The following YBX3 variants were observed in gnomAD, a reference collection of about 807,000 sequenced individuals.
YBX3 encodes the protein Y-box binding protein 3, also known as Y-box-binding protein 3.
YBX3 carries 29 observed loss-of-function variants against 42.4 expected under a neutral mutation model. The ratio of observed to expected loss-of-function variants is 0.68; its 90% confidence interval spans 0.51 to 0.93. The LOEUF is 0.93. Among genes scored for constraint, YBX3 ranks in the 40% least tolerant of loss-of-function variants. YBX3 has a pLI of 0.00. For synonymous variants in YBX3, 195 were observed against 189.8 expected (o/e 1.03, Z -0.22); for missense variants, 517 against 527.5 (o/e 0.98, Z 0.19).
chr12:10,701,988 G>C lies in YBX3; in HGVS notation c.1025C>G (p.Pro342Arg), dbSNP rs769117728. 1.2e-6 allele frequency: 2 copies of C among 1,613,666 alleles called. No individual in the cohort carries two copies. Among genetic ancestry groups the C allele is most frequent in the Non-Finnish European group, 1.7e-6 (2 of 1,179,850 alleles). ...TTTGCCATCTTGTGAAGGAGCGTTA[G>C]GAGGACGCGGGCGACGCCGGTAATT... The part of the protein sequence containing the change: ...PYNYRRRPRP[P>R]NAPSQDGKEA... Residue 342 changes from proline (P) to arginine (R), a missense_variant, in exon 8 of 10, where the codon CCT (proline) becomes CGT (arginine). Transcript: ENST00000228251.
intron 6 of YBX3, 54 bp from the exon 7 acceptor site, chr12:10,704,202 C>T: frequency 6.9e-7 from 1 of 1,444,680 alleles, no homozygotes; most frequent in Non-Finnish European, 9.7e-7. Flanking sequence ...GGATAAGATA[C>T]AGTGCATACA....
chr12:10,718,174 T>C, intron 2 of YBX3, 53 bp from the exon 3 acceptor site: 1 of 1,547,648 alleles, frequency 6.5e-7, no homozygotes, highest in Non-Finnish European at 8.8e-7. Flanking sequence ...GTGGAAAAAC[T>C]TAAAAGAACC....
Position 10,713,161 on chromosome 12 carries a change from C to T in YBX3, c.573+50G>A, listed in dbSNP as rs1311005051. On this transcript the variant is annotated intron_variant, in intron 5 of 9. Transcript: ENST00000228251. ...TGCTCCAAGTACATACACTTAATTC[C>T]ATGCATGAACAATTTCTCAATCACT... is the stretch of plus-strand genomic sequence containing the variant. 4 of 1,573,770 alleles carry T rather than the reference C, an allele frequency of 2.5e-6. No homozygotes were observed. The African/African-American group carries it at 5.4e-5, about 21-fold the overall frequency.
intron 1 of YBX3, among the ~76,000 whole-genome samples, chr12:10,720,371 CAA>C (rs1264854282): frequency 6.6e-6 from 1 of 151,402 alleles, no homozygotes; most frequent in Non-Finnish European, 1.5e-5. Flanking sequence ...AAATCCAAAA[CAA>C]AAAAAACATG....
intron 5 of YBX3, chr12:10,712,720 C>A (rs1310887462): frequency 6.6e-6 from 1 of 152,240 alleles, no homozygotes; most frequent in African/African-American, 2.4e-5. Context: ...TGACTAGGTT[C>A]TGGCCAGAAA....
chr12:10,706,671 T>G (rs1165343004), intron 6 of YBX3, among the ~76,000 whole-genome samples: 3 of 152,162 alleles, frequency 2.0e-5, no homozygotes, highest in Non-Finnish European at 2.9e-5. Context: ...CCACCTACAC[T>G]CACTTTATAG....
chr12:10,710,002 C>A lies in YBX3; in HGVS notation c.686G>T (p.Arg229Leu). The stretch of plus-strand genomic sequence containing the variant: ...GAACCGCCGCTGCCGGTACTGAGGG[C>A]GATACTGGGGGCGGCGCAGCTGATT... ...ARNQLRRPQYRPQYRQRRFPP... is the reference protein window; with the variant it reads ...ARNQLRRPQYLPQYRQRRFPP... Residue 229 changes from arginine to leucine, a missense_variant, in exon 6 of 10, where the codon CGC (arginine) becomes CTC (leucine). By Grantham distance (102) the Arg-to-Leu change is moderately radical. This residue lies in a region of YBX3 where 420 missense variants were observed against 408.5 expected (regional missense o/e 1.03). Transcript: ENST00000228251. The A allele has an allele frequency of 1.9e-6, 3 of 1,612,276 alleles. No individual in the cohort carries two copies. The highest frequency in any genetic ancestry group is 2.5e-6 in the Non-Finnish European group (3 of 1,178,258).
intron 6 of YBX3, among the ~76,000 whole-genome samples, chr12:10,704,640 C>A (rs769649395): frequency 2.8e-4 from 37 of 134,094 alleles, no homozygotes; most frequent in Admixed American, 2.4e-3. Context: ...CCTTCCTCCC[C>A]CTAAGAGCCA....
chr12:10,700,880 T>C (rs1034257565), intron 9 of YBX3, among the ~76,000 whole-genome samples: 10 of 152,340 alleles, frequency 6.6e-5, no homozygotes, highest in South Asian at 4.1e-4. Flanking sequence ...TCCTTTAGTT[T>C]ATTCTACTGT....
chr12:10,719,340 C>G (rs747389247), intron 1 of YBX3, among the ~76,000 whole-genome samples, 197 bp from the exon 2 acceptor site: 2 of 152,178 alleles, frequency 1.3e-5, no homozygotes, highest in African/African-American at 4.8e-5. Flanking sequence ...GAAGACTAAA[C>G]CTTTCTTCCT....
chr12:10,715,302 T>C (rs931883789), intron 4 of YBX3, among the ~76,000 whole-genome samples: 5 of 151,720 alleles, frequency 3.3e-5, no homozygotes, highest in African/African-American at 1.2e-4. Flanking sequence ...CCCAGTACTT[T>C]GGGAGGCTGA....
chr12:10,718,019 G>A (rs1020493945), intron 3 of YBX3, 69 bp downstream of exon 3: 1 of 1,382,872 alleles, frequency 7.2e-7, no homozygotes, highest in Non-Finnish European at 1.0e-6. Flanking sequence ...TTACTTTTGG[G>A]AAAGGGCTGA....
intron 9 of YBX3, among the ~76,000 whole-genome samples, chr12:10,700,106 C>CAAAAAAAA (rs1948062451): frequency 6.6e-6 from 1 of 152,010 alleles, no homozygotes; most frequent in Non-Finnish European, 1.5e-5. Context: ...AAGGGTATGG[C>CAAAAAAAA]CATTTTTATA....
At chr12:10,712,493 G>A (rs768994558) in intron 5 of YBX3, 2 of 152,148 alleles carry the variant, frequency 1.3e-5, no homozygotes, top group Non-Finnish European at 2.9e-5. Flanking sequence ...TTGAAATAAT[G>A]GAAAAATGCT....
intron 6 of YBX3, among the ~76,000 whole-genome samples, chr12:10,707,886 G>T (rs1032769990): frequency 6.6e-6 from 1 of 152,180 alleles, no homozygotes. Context: ...AGCAATTAAC[G>T]TGTATAAAGG....
chr12:10,719,383 G>A (rs1356040440), intron 1 of YBX3, among the ~76,000 whole-genome samples: 3 of 152,124 alleles, frequency 2.0e-5, no homozygotes, highest in African/African-American at 7.2e-5. Context: ...GCAAGATAAG[G>A]AGTGGTTATA....
chr12:10,715,869 T>C lies in YBX3; in HGVS notation c.361-86A>G, dbSNP rs151297678. The C allele has an allele frequency of 8.8e-4, 978 of 1,116,030 alleles. 1 individual carries two copies. Among genetic ancestry groups the C allele is most frequent in the Non-Finnish European group, 1.2e-3 (873 of 746,262 alleles). 69.1% of individuals were successfully genotyped at this position (1,116,030 alleles called of 1,614,324 possible). On this transcript the variant is annotated intron_variant, in intron 3 of 9. Coordinates refer to ENST00000228251, the MANE Select transcript of YBX3 (RefSeq NM_003651.5). ...TGCTTTCAAGTACACCAGAGTGAAC[T>C]TGAAGAAACTGTTGACCGATTCTTA...
At chr12:10,702,469 C>T (rs994809517) in intron 7 of YBX3, 9 of 159,900 alleles carry the variant, frequency 5.6e-5, no homozygotes, top group Non-Finnish European at 8.1e-5. Context: ...TGCAGCAACC[C>T]GAGATTGGCA....
rs1948179141 is a variant in YBX3 at position 10,709,917 on chromosome 12, G to C, written c.771C>G (p.Asn257Lys). The C allele has an allele frequency of 1.2e-6, 2 of 1,613,900 alleles. No individual in the cohort carries two copies. Among genetic ancestry groups the C allele is most frequent in the African/African-American group, 2.7e-5 (2 of 74,944 alleles). Residue 257 changes from asparagine to lysine, a missense_variant, in exon 6 of 10, where the codon AAC becomes AAG. Asn to Lys is a moderately conservative substitution (Grantham distance 94). Coordinates refer to ENST00000228251, the MANE Select transcript of YBX3 (RefSeq NM_003651.5). ...DRRSRVLPHPNRIQAGEIGEM... is the reference protein window; with the variant it reads ...DRRSRVLPHPKRIQAGEIGEM... ...TCAGTTGCAATTTTACCTGTATTCT[G>C]TTGGGATGGGGTAAGACCCGTGAGC...
Sources: allele counts gnomAD v4.1 joint callset (sites outside exome capture counted in the v4.1 genomes callset), GRCh38; gene constraint gnomAD v4.1.1; regional missense constraint gnomAD v4.1.1; transcripts MANE v1.5; gene names NCBI Gene and HGNC (gene_info 2026-07-23, HGNC 2026-07-21).